Variants in GDA observed in about 807,000 individuals in gnomAD.
GDA encodes the protein guanine deaminase.
A neutral mutation model predicts 59.6 loss-of-function variants in GDA; 18 were observed. The observed-to-expected ratio is 0.30, with a 90% CI of 0.21 to 0.45. The LOEUF is 0.45. Ranked by LOEUF, GDA falls within the 20% of genes least tolerant of loss-of-function variation. The pLI, the probability that GDA is intolerant of heterozygous loss-of-function variation, is 1.00. For synonymous variants in GDA, 201 were observed against 201.1 expected (o/e 1.00, Z 0.00); for missense variants, 427 against 552.3 (o/e 0.77, Z 2.27).
At chr9:72,229,380 A>AACAC (rs1031377304) in intron 9 of GDA, among the ~76,000 whole-genome samples, 7 of 151,850 alleles carry the variant, frequency 4.6e-5, no homozygotes, top group African/African-American at 1.7e-4. Context: ...CAAACAAACA[A>AACAC]ACAAAACCTT....
intron 1 of GDA, among the ~76,000 whole-genome samples, chr9:72,133,331 A>ATAAT: frequency 6.7e-6 from 1 of 149,224 alleles, no homozygotes; most frequent in Admixed American, 6.7e-5. Flanking sequence ...AATAATAATA[A>ATAAT]TTTTAGCTTA....
chr9:72,168,513 A>G (rs1025891457), intron 1 of GDA, among the ~76,000 whole-genome samples: 2 of 150,900 alleles, frequency 1.3e-5, no homozygotes, highest in African/African-American at 4.9e-5. Context: ...TTGTGTCTCA[A>G]CCACCCAAGT....
At chr9:72,227,003 A>T (rs1837685463) in intron 8 of GDA, among the ~76,000 whole-genome samples, 1 of 152,144 alleles carries the variant, frequency 6.6e-6, no homozygotes, top group Non-Finnish European at 1.5e-5. Context: ...CTGTAGTCCC[A>T]GCTACTCGGG....
chr9:72,162,359 G>A (rs1316360026), intron 1 of GDA, among the ~76,000 whole-genome samples: 1 of 152,198 alleles, frequency 6.6e-6, no homozygotes, highest in Non-Finnish European at 1.5e-5. Context: ...GAGTGCTCTG[G>A]AGATGCAAAT....
At chr9:72,193,114 C>T (rs1052813025) in intron 1 of GDA, among the ~76,000 whole-genome samples, 10 of 152,080 alleles carry the variant, frequency 6.6e-5, no homozygotes, top group African/African-American at 2.4e-4. Context: ...TTTCTCTCTC[C>T]TGGATTAATC....
At chr9:72,231,220 G>A (rs765913650) in intron 10 of GDA, 39 bp downstream of exon 10, 14 of 1,013,252 alleles carry the variant, frequency 1.4e-5, no homozygotes. Context: ...CAAAGTGGTT[G>A]ATTACTGTGT....
rs1048337755 is a variant in GDA, at chr9:72,187,793, G to C, written c.124-7707G>C. Among the ~76,000 whole-genome samples the C allele has an allele frequency of 4.6e-5, 7 of 152,344 alleles. 1 individual carries two copies. The East Asian group carries it at 7.7e-4, about 17-fold the overall frequency. On this transcript the variant is annotated intron_variant, in intron 1 of 13. Coordinates refer to ENST00000358399, the MANE Select transcript of GDA (RefSeq NM_004293.5). ...TCTTAAAGATTACCTAAGTGGTCAT[G>C]ACCAGAATGTTGATAGAAATATGGA...
intron 1 of GDA, among the ~76,000 whole-genome samples, chr9:72,136,254 A>G (rs1448563327): frequency 2.0e-5 from 3 of 152,188 alleles, no homozygotes; most frequent in Non-Finnish European, 4.4e-5. Context: ...TGTCTCTTTT[A>G]AAAAGATAAA....
At chr9:72,186,329 T>C (rs188281322) in intron 1 of GDA, among the ~76,000 whole-genome samples, 1 of 152,280 alleles carries the variant, frequency 6.6e-6, no homozygotes, top group African/African-American at 2.4e-5. Context: ...CTAGCCTCTC[T>C]GGTGTTTCAG....
intron 1 of GDA, among the ~76,000 whole-genome samples, chr9:72,162,902 C>T (rs1329616089): frequency 6.6e-6 from 1 of 152,196 alleles, no homozygotes; most frequent in African/African-American, 2.4e-5. Flanking sequence ...CGTGATCCGC[C>T]CGCCTCGGCC....
chr9:72,135,656 G>A (rs967810370), intron 1 of GDA, among the ~76,000 whole-genome samples: 14 of 152,082 alleles, frequency 9.2e-5, no homozygotes, highest in Admixed American at 1.3e-4. Context: ...TTGGCCTGGC[G>A]CGGTGACTCA....
At chr9:72,209,793 C>T (rs1171288861) in intron 3 of GDA, among the ~76,000 whole-genome samples, 2 of 152,150 alleles carry the variant, frequency 1.3e-5, no homozygotes, top group Non-Finnish European at 2.9e-5. Flanking sequence ...ACTGTGAAGA[C>T]ATCTTTCTTT....
intron 1 of GDA, among the ~76,000 whole-genome samples, chr9:72,130,025 A>T (rs1825973328): frequency 3.3e-5 from 5 of 152,246 alleles, no homozygotes; most frequent in Admixed American, 2.6e-4. Context: ...TGGGCATTGG[A>T]AATATTTCCC....
At position 72,213,998 on chromosome 9, in the gene GDA, G is replaced by A. The variant is rs368654878; in HGVS notation, c.578+7G>A. 5.7e-5 allele frequency: 82 copies of A among 1,436,818 alleles called. 1 individual carries two copies. In the African/African-American group the frequency reaches 1.0e-3, roughly 18 times the overall value. 89.0% of individuals were successfully genotyped at this position (1,436,818 alleles called of 1,614,324 possible). A position where few individuals can be genotyped will look rare whatever the true frequency, so the allele number is the denominator to read the frequency against. On this transcript the variant is annotated splice_region_variant and intron_variant, in intron 5 of 13. Coordinates refer to ENST00000358399, the MANE Select transcript of GDA (RefSeq NM_004293.5). ...CGATCAAGGAAACTGAGAGGTAAAA[G>A]GCCCATTTGTCTTGATTTGTCTTAC...
downstream of GDA, among the ~76,000 whole-genome samples, chr9:72,259,854 T>C (rs976197801): frequency 6.6e-6 from 1 of 152,222 alleles, no homozygotes; most frequent in Non-Finnish European, 1.5e-5. Context: ...CAGGACTTAA[T>C]AAATATTTGA....
At chr9:72,153,585 G>T (rs1203673095) in intron 1 of GDA, among the ~76,000 whole-genome samples, 36 of 139,022 alleles carry the variant, frequency 2.6e-4, no homozygotes, top group Admixed American at 6.7e-4. Flanking sequence ...CAACCCAAAT[G>T]TCCATCAATG....
At position 72,202,678 on chromosome 9, in the gene GDA, C is replaced by T. The variant is rs138792393; in HGVS notation, c.320C>T (p.Thr107Ile). 4 of 1,613,514 alleles carry T rather than the reference C, an allele frequency of 2.5e-6. No homozygotes were observed. The highest frequency in any genetic ancestry group is 2.7e-5 in the African/African-American group (2 of 74,926). The change falls in exon 3 of 14, where the codon ACA (threonine) becomes ATA (isoleucine). Residue 107 changes from threonine (T) to isoleucine (I), a missense_variant. By Grantham distance (89) the Thr-to-Ile change is moderately conservative. Coordinates refer to ENST00000358399, the MANE Select transcript of GDA (RefSeq NM_004293.5). ...CTCTTGGAGTGGCTGACCAAGTACA[C>T]ATTTCCTGCAGAACACAGATTCCAG... Reference protein sequence around the residue: ...LPLLEWLTKYTFPAEHRFQNI... With the variant: ...LPLLEWLTKYIFPAEHRFQNI...
chr9:72,207,148 CA>C (rs1834824817), intron 3 of GDA, among the ~76,000 whole-genome samples: 1 of 152,048 alleles, frequency 6.6e-6, no homozygotes, highest in Non-Finnish European at 1.5e-5. Context: ...TTTAATTCTT[CA>C]ATTCATTCTC....
At chr9:72,185,760 G>C (rs574472741) in intron 1 of GDA, among the ~76,000 whole-genome samples, 2 of 152,250 alleles carry the variant, frequency 1.3e-5, no homozygotes, top group East Asian at 3.9e-4. Flanking sequence ...TTGCCATCTG[G>C]TGTTTGAAGC....
Sources: allele counts gnomAD v4.1 joint callset (sites outside exome capture counted in the v4.1 genomes callset), GRCh38; gene constraint gnomAD v4.1.1; transcripts MANE v1.5; gene names NCBI Gene and HGNC (gene_info 2026-07-23, HGNC 2026-07-21).